Variants in ARPP21 observed in about 807,000 individuals in gnomAD.
The protein encoded by ARPP21 is cAMP-regulated phosphoprotein 21.
ARPP21 carries 69 observed loss-of-function variants against 113.2 expected under a neutral mutation model. That is an observed-to-expected ratio of 0.61 (90% confidence interval 0.50 to 0.74). ARPP21 has a LOEUF of 0.74. Ranked by LOEUF, ARPP21 falls within the 30% of genes least tolerant of loss-of-function variation. The pLI is 0.00. For missense variants in ARPP21, 1,070 were observed against 1,037.4 expected (o/e 1.03, Z -0.43); for synonymous variants, 368 against 375.5 (o/e 0.98, Z 0.23).
At chr3:35,678,340 G>A (rs778374122) in intron 1 of ARPP21, among the ~76,000 whole-genome samples, 6 of 151,990 alleles carry the variant, frequency 3.9e-5, no homozygotes, top group African/African-American at 1.2e-4. Flanking sequence ...AATGCTTTTC[G>A]TAACCATCAC....
intron 1 of ARPP21, chr3:35,641,027 A>G (rs959043850): frequency 6.6e-6 from 1 of 152,160 alleles, no homozygotes; most frequent in Non-Finnish European, 1.5e-5. Flanking sequence ...CAGGTTTGCT[A>G]CCTGATCACC....
intron 1 of ARPP21, among the ~76,000 whole-genome samples, chr3:35,659,339 T>TA (rs1490316715): frequency 6.6e-6 from 1 of 152,200 alleles, no homozygotes; most frequent in Non-Finnish European, 1.5e-5. Flanking sequence ...AAACACATTT[T>TA]AAAATATGAT....
At position 35,682,851 on chromosome 3, in the gene ARPP21, C is replaced by T. The variant is rs759882309; in HGVS notation, c.133C>T (p.Arg45Trp). 5.6e-6 allele frequency: 9 copies of T among 1,607,202 alleles called. No homozygotes were observed. Among genetic ancestry groups the T allele is most frequent in the Middle Eastern group, 1.7e-4 (1 of 6,006 alleles). The change falls in exon 4 of 21, where the codon CGG (arginine) becomes TGG (tryptophan). Residue 45 changes from arginine (R) to tryptophan (W), a missense_variant. By Grantham distance (101) the Arg-to-Trp change is moderately radical (BLOSUM62 -3). Transcript: ENST00000684406. ...DEEEKLELQR[R>W]LEAQNQERRK... Reference sequence around the variant, plus strand: ...TTATTTTCTTTCCAACATACAGAGGCGGCTGGAGGCTCAGAATCAAGAAAG... The same window carrying T: ...TTATTTTCTTTCCAACATACAGAGGTGGCTGGAGGCTCAGAATCAAGAAAG...
At chr3:35,768,256 C>T (rs919578633) in intron 19 of ARPP21, among the ~76,000 whole-genome samples, 1 of 151,900 alleles carries the variant, frequency 6.6e-6, no homozygotes, top group Admixed American at 6.6e-5. Context: ...TTCCCCAGAC[C>T]CTCACCTCAT....
intron 19 of ARPP21, among the ~76,000 whole-genome samples, chr3:35,755,723 A>G (rs1159940065): frequency 1.3e-5 from 2 of 152,108 alleles, no homozygotes. Context: ...TCACGTAGCA[A>G]TTAGTTGTGA....
chr3:35,750,001 C>T (rs1297123174), intron 19 of ARPP21, among the ~76,000 whole-genome samples: 2 of 151,752 alleles, frequency 1.3e-5, no homozygotes, highest in African/African-American at 4.8e-5. Flanking sequence ...TTTCCAAGAA[C>T]TAGCTCTGTT....
chr3:35,674,963 C>T (rs2077125116), intron 1 of ARPP21, among the ~76,000 whole-genome samples: 1 of 151,706 alleles, frequency 6.6e-6, no homozygotes, highest in Non-Finnish European at 1.5e-5. Context: ...TCTAATAGAA[C>T]CATCACTAGA....
intron 14 of ARPP21, among the ~76,000 whole-genome samples, chr3:35,728,152 TTAA>T (rs3086922): frequency 0.4 from 52,161 of 129,234 alleles, 11,337 homozygotes; most frequent in East Asian, 0.67. Context: ...ATATATTACA[TTAA>T]TAATAATAAT....
At chr3:35,663,759 G>T (rs1393652105) in intron 1 of ARPP21, among the ~76,000 whole-genome samples, 1 of 152,134 alleles carries the variant, frequency 6.6e-6, no homozygotes, top group Non-Finnish European at 1.5e-5. Context: ...GTAATGCTGG[G>T]CCATATACTC....
In ARPP21 at chr3:35,739,559, A is replaced by T; in HGVS notation, c.1992A>T (p.Gln664His). ...QPPPSPQGFV[Q>H]QPPPAQMPVY... ...CTCCCTCACCACAGGGATTTGTGCA[A>T]CAGCCTCCGCCTGCACAGGTAGGTG... The change falls in exon 18 of 21, where the codon CAA becomes CAT. Residue 664 changes from glutamine to histidine, a missense_variant. Transcript: ENST00000684406. 6.2e-7 allele frequency: 1 copy of T among 1,613,332 alleles called. No homozygotes were observed. Among genetic ancestry groups the T allele is most frequent in the Non-Finnish European group, 8.5e-7 (1 of 1,179,544 alleles).
Position 35,717,254 on chromosome 3 carries a change from A to G in ARPP21, c.936-44A>G, listed in dbSNP as rs556599868. On this transcript the variant is annotated intron_variant, in intron 12 of 20. Transcript: ENST00000684406. ...TCCATGTAAACACAAGGCATTTAGTACCCTTAGGTTTTATATCATAAAAAT... is the reference window on the plus strand; with the variant it reads ...TCCATGTAAACACAAGGCATTTAGTGCCCTTAGGTTTTATATCATAAAAAT... 1.2e-4 allele frequency: 132 copies of G among 1,131,046 alleles called. 2 individuals are homozygous for G. Among genetic ancestry groups the G allele is most frequent in the South Asian group, 1.0e-3 (82 of 80,804 alleles). 70.1% of individuals were successfully genotyped at this position (1,131,046 alleles called of 1,614,324 possible).
intron 19 of ARPP21, among the ~76,000 whole-genome samples, chr3:35,772,411 TGAGGAAACTGAGGCCAAAAAAA>T (rs1404286178): frequency 6.6e-6 from 1 of 152,180 alleles, no homozygotes; most frequent in Non-Finnish European, 1.5e-5. Context: ...AGATTAATGA[TGAGGAAACTGAGGCCAAAAAAA>T]GTTAAGTAAC....
At chr3:35,698,112 A>G (rs1328445423) in intron 9 of ARPP21, among the ~76,000 whole-genome samples, 1 of 151,718 alleles carries the variant, frequency 6.6e-6, no homozygotes, top group Non-Finnish European at 1.5e-5. Flanking sequence ...CAGGAAAACT[A>G]TGAAACTTTA....
chr3:35,691,988 G>A (rs764667432), intron 9 of ARPP21, among the ~76,000 whole-genome samples: 23 of 151,424 alleles, frequency 1.5e-4, no homozygotes, highest in Admixed American at 3.3e-4. Flanking sequence ...GAGATGAGGC[G>A]CTTTCTCAAC....
In ARPP21 at chr3:35,733,693, A is replaced by T. The variant is rs1324732985; in HGVS notation, c.1460-3485A>T. On this transcript the variant is annotated intron_variant, in intron 15 of 20. Transcript: ENST00000684406. ...CGTCACCTATCCCGGGTCTCTTAGGAAATTGCTTTTGTTCTGTTCTCTAGC... is the reference window on the plus strand; with the variant it reads ...CGTCACCTATCCCGGGTCTCTTAGGTAATTGCTTTTGTTCTGTTCTCTAGC... Among the ~76,000 whole-genome samples the T allele has an allele frequency of 2.0e-5, 3 of 152,140 alleles. No individual in the cohort carries two copies. In the East Asian group the frequency reaches 5.8e-4, roughly 29 times the overall value.
intron 5 of ARPP21, chr3:35,685,361 C>T (rs1271095116): frequency 5.1e-6 from 5 of 985,310 alleles, no homozygotes; most frequent in Non-Finnish European, 6.0e-6. Flanking sequence ...GCAAGCCTCT[C>T]TTTGGATTGG....
intron 13 of ARPP21, 136 bp from the exon 14 acceptor site, chr3:35,721,469 C>A: frequency 1.6e-6 from 1 of 616,376 alleles, no homozygotes; most frequent in Non-Finnish European, 2.9e-6. Context: ...TGGGAGGCAA[C>A]TGGTTTAATG....
chr3:35,687,636 A>T lies in ARPP21; in HGVS notation c.262-103A>T, dbSNP rs895795830. The stretch of plus-strand genomic sequence containing the variant: ...TACCATTTAGAAAAAAAAAATCTGC[A>T]CCTGGTTTTCATTTTTCTATACTTT... On this transcript the variant is annotated intron_variant, in intron 5 of 20. Transcript: ENST00000684406. The T allele has an allele frequency of 2.9e-6, 3 of 1,052,264 alleles. No homozygotes were observed. The African/African-American group carries it at 5.1e-5, about 18-fold the overall frequency. The allele number at this position is 1,052,264 out of a possible 1,614,324, so 65.2% of individuals were successfully genotyped here. A position where few individuals can be genotyped will look rare whatever the true frequency, so the allele number is the denominator to read the frequency against.
chr3:35,791,642 C>A (rs1359336936), intron 19 of ARPP21, among the ~76,000 whole-genome samples: 1 of 152,074 alleles, frequency 6.6e-6, no homozygotes, highest in East Asian at 1.9e-4. Flanking sequence ...TGAAGGCTAA[C>A]AAACTGACCC....
Sources: allele counts gnomAD v4.1 joint callset (sites outside exome capture counted in the v4.1 genomes callset), GRCh38; gene constraint gnomAD v4.1.1; transcripts MANE v1.5; gene names NCBI Gene and HGNC (gene_info 2026-07-23, HGNC 2026-07-21).